Variants in LARP1B observed in about 807,000 individuals in gnomAD.
The protein encoded by LARP1B is la-related protein 1B.
Under a neutral mutation model 114.2 loss-of-function variants are expected in LARP1B, and 76 were observed. The ratio of observed to expected loss-of-function variants is 0.67; its 90% CI spans 0.55 to 0.81. The LOEUF (loss-of-function observed/expected upper bound fraction) is 0.81. Ranked by LOEUF, LARP1B falls within the 30% of genes least tolerant of loss-of-function variation. The pLI is 0.00. For missense variants in LARP1B, 1,014 were observed against 1,075.8 expected, an observed-to-expected ratio of 0.94 and a Z score of 0.80; for synonymous variants, 345 against 348.0, an observed-to-expected ratio of 0.99 and a Z score of 0.10.
chr4:128,158,962 G>A (rs1453088742), intron 11 of LARP1B, among the ~76,000 whole-genome samples: 3 of 151,400 alleles, frequency 2.0e-5, no homozygotes, highest in Non-Finnish European at 2.9e-5. Context: ...TTGAGGCCAG[G>A]AGTTCAAGAC....
rs988993585 is a variant in LARP1B, at chr4:128,107,229, C to T, written c.904C>T (p.Pro302Ser). 1.9e-6 allele frequency: 3 copies of T among 1,614,070 alleles called. No individual in the cohort carries two copies. Among genetic ancestry groups the T allele is most frequent in the Middle Eastern group, 1.7e-4 (1 of 6,060 alleles). Residue 302 changes from proline (P) to serine (S), a missense_variant, in exon 9 of 20, where the codon CCA (proline) becomes TCA (serine). By Grantham distance (74) the Pro-to-Ser change is moderately conservative. Coordinates refer to ENST00000326639, the MANE Select transcript of LARP1B (RefSeq NM_018078.4). Reference sequence around the variant, plus strand: ...AAAATGGCCAATTCCAGGCCCTCCTCCACGCAGTGTGCCACCAACAGACTT... The same window carrying T: ...AAAATGGCCAATTCCAGGCCCTCCTTCACGCAGTGTGCCACCAACAGACTT... ...PEKWPIPGPP[P>S]RSVPPTDFSQ...
intron 5 of LARP1B, among the ~76,000 whole-genome samples, chr4:128,085,083 C>T (rs937402360): frequency 1.3e-5 from 2 of 151,980 alleles, no homozygotes; most frequent in Non-Finnish European, 1.5e-5. Context: ...AGGCTGGGCT[C>T]GAACTCTTGA....
intron 7 of LARP1B, among the ~76,000 whole-genome samples, chr4:128,096,646 G>C (rs897368843): frequency 6.6e-6 from 1 of 151,456 alleles, no homozygotes; most frequent in Admixed American, 6.6e-5. Flanking sequence ...TGTCGCCCAG[G>C]CTGGAGTGCA....
At chr4:128,126,605 A>G (rs1175770851) in intron 11 of LARP1B, among the ~76,000 whole-genome samples, 3 of 152,204 alleles carry the variant, frequency 2.0e-5, no homozygotes, top group African/African-American at 7.2e-5. Context: ...TTAGCAACAG[A>G]TTAGACAGAA....
chr4:128,068,859 C>G (rs930845286), intron 1 of LARP1B, among the ~76,000 whole-genome samples: 4 of 152,244 alleles, frequency 2.6e-5, no homozygotes, highest in African/African-American at 9.6e-5. Context: ...ATCACTTATT[C>G]TCTTCAAGCA....
chr4:128,073,888 C>G (rs892775666), intron 1 of LARP1B, among the ~76,000 whole-genome samples: 1 of 151,336 alleles, frequency 6.6e-6, no homozygotes, highest in Non-Finnish European at 1.5e-5. Flanking sequence ...CCAGGCCCAG[C>G]CTATATTCTG....
chr4:128,120,555 C>T (rs1005313469), intron 10 of LARP1B, among the ~76,000 whole-genome samples: 5 of 150,910 alleles, frequency 3.3e-5, no homozygotes, highest in Admixed American at 2.0e-4. Context: ...TTCAAGCCTC[C>T]GCCTCCAGGG....
At chr4:128,160,777 T>C (rs571179915) in intron 11 of LARP1B, among the ~76,000 whole-genome samples, 2 of 152,130 alleles carry the variant, frequency 1.3e-5, no homozygotes, top group Non-Finnish European at 2.9e-5. Flanking sequence ...GAGGAAGAAA[T>C]GTTGATAAAT....
At chr4:128,155,936 C>A in intron 11 of LARP1B, 2 of 1,529,902 alleles carry the variant, frequency 1.3e-6, no homozygotes, top group Non-Finnish European at 1.8e-6. Flanking sequence ...GAGGGGTACA[C>A]AGGCGGTACC....
chr4:128,112,226 ATTC>A (rs1369905363), intron 9 of LARP1B, among the ~76,000 whole-genome samples: 7 of 152,164 alleles, frequency 4.6e-5, no homozygotes, highest in South Asian at 4.1e-4. Flanking sequence ...AAATTTTAGT[ATTC>A]TTAAAATTAT....
intron 5 of LARP1B, among the ~76,000 whole-genome samples, chr4:128,082,890 A>C (rs557288192): frequency 9.8e-4 from 148 of 150,624 alleles, no homozygotes; most frequent in Non-Finnish European, 1.9e-3. Context: ...GTCATAGGAC[A>C]ATAGTGGAGG....
intron 11 of LARP1B, among the ~76,000 whole-genome samples, chr4:128,152,782 A>G (rs1733477511): frequency 6.6e-6 from 1 of 151,832 alleles, no homozygotes; most frequent in African/African-American, 2.4e-5. Context: ...AAACCTAGTC[A>G]GGTTAGAGCT....
intron 1 of LARP1B, among the ~76,000 whole-genome samples, chr4:128,070,056 C>T (rs1764608953): frequency 1.3e-5 from 2 of 152,164 alleles, no homozygotes; most frequent in South Asian, 4.1e-4. Flanking sequence ...CAGTGGCTCA[C>T]ACCCGTAATC....
intron 8 of LARP1B, among the ~76,000 whole-genome samples, chr4:128,104,209 C>T (rs1344682056): frequency 6.6e-6 from 1 of 151,980 alleles, no homozygotes; most frequent in East Asian, 1.9e-4. Context: ...TTTTCAAGAC[C>T]CAGGCAAGCT....
At chr4:128,084,334 A>G in intron 5 of LARP1B, among the ~76,000 whole-genome samples, 1 of 152,242 alleles carries the variant, frequency 6.6e-6, no homozygotes, top group Non-Finnish European at 1.5e-5. Context: ...CCTGGGCACC[A>G]TTGAGCACTG....
chr4:128,173,047 C>CTATATA (rs1010352568), intron 12 of LARP1B, among the ~76,000 whole-genome samples: 16 of 151,052 alleles, frequency 1.1e-4, no homozygotes, highest in African/African-American at 3.9e-4. Context: ...TTTATACTGC[C>CTATATA]TATATATATA....
chr4:128,114,042 G>T lies in LARP1B; in HGVS notation c.989-528G>T, dbSNP rs181556926. On this transcript the variant is annotated intron_variant, in intron 9 of 19. Coordinates refer to ENST00000326639, the MANE Select transcript of LARP1B (RefSeq NM_018078.4). The stretch of plus-strand genomic sequence containing the variant: ...TTAAAGTATTTCAGTATGAGCCAAA[G>T]TAGTAAATGACTACACTGCATTTAT... Among the ~76,000 whole-genome samples the T allele has an allele frequency of 2.2e-4, 34 of 152,306 alleles. No individual in the cohort carries two copies. The East Asian group carries it at 3.7e-3, about 16-fold the overall frequency.
At chr4:128,096,442 T>G (rs1431395398) in intron 7 of LARP1B, among the ~76,000 whole-genome samples, 3 of 152,334 alleles carry the variant, frequency 2.0e-5, no homozygotes, top group Non-Finnish European at 4.4e-5. Context: ...ATACTGACAG[T>G]TCATCCATTT....
Position 128,200,682 on chromosome 4 carries a change from T to C in LARP1B, c.2309+17T>C. The stretch of plus-strand genomic sequence containing the variant: ...AAATTACAGGTCAGATATTTTCTTT[T>C]ACACTTCAAGGGAGTTTTATTATTT... On this transcript the variant is annotated intron_variant, in intron 17 of 19. Coordinates refer to ENST00000326639, the MANE Select transcript of LARP1B (RefSeq NM_018078.4). 1.9e-6 allele frequency: 3 copies of C among 1,547,148 alleles called. No individual in the cohort carries two copies. Among genetic ancestry groups the C allele is most frequent in the South Asian group, 1.2e-5 (1 of 82,392 alleles).
Sources: allele counts gnomAD v4.1 joint callset (sites outside exome capture counted in the v4.1 genomes callset), GRCh38; gene constraint gnomAD v4.1.1; transcripts MANE v1.5; gene names NCBI Gene and HGNC (gene_info 2026-07-23, HGNC 2026-07-21).